TENM2: variants seen among roughly 807,000 people sequenced by gnomAD.
The protein encoded by TENM2 is teneurin-2.
Under a neutral mutation model 245.2 loss-of-function variants are expected in TENM2, and 52 were observed. The observed-to-expected ratio is 0.21, with a 90% CI of 0.17 to 0.27. The LOEUF (loss-of-function observed/expected upper bound fraction) is 0.27. Ranked by LOEUF, TENM2 falls within the 10% of genes least tolerant of loss-of-function variation. The pLI is 1.00. For missense variants in TENM2, 3,046 were observed against 3,666.8 expected (o/e 0.83, Z 4.37); for synonymous variants, 1,363 against 1,438.9 (o/e 0.95, Z 1.19).
At position 167,960,991 on chromosome 5, in the gene TENM2, G is replaced by A. The variant is rs777599083; in HGVS notation, c.947+8169G>A. On this transcript the variant is annotated intron_variant, in intron 4 of 28. Coordinates refer to ENST00000518659, the Ensembl canonical transcript of TENM2. ...CCTTGTGCTTCCTGGGTGAGGCGACGCCCCGCCCTGCTTCAGCTTGCCCTC... is the reference window on the plus strand; with the variant it reads ...CCTTGTGCTTCCTGGGTGAGGCGACACCCCGCCCTGCTTCAGCTTGCCCTC... 3.9e-4 allele frequency among the ~76,000 whole-genome samples: 60 copies of A among 152,240 alleles called. 1 individual carries two copies. The highest frequency in any genetic ancestry group is 9.7e-4 in the East Asian group (5 of 5,162).
At chr5:167,915,795 T>A (rs1776892431) in intron 3 of TENM2, among the ~76,000 whole-genome samples, 1 of 152,228 alleles carries the variant, frequency 6.6e-6, no homozygotes, top group African/African-American at 2.4e-5. Flanking sequence ...GCATTTTATT[T>A]CATGAAAAGA....
chr5:168,112,581 A>G (rs1794747602), intron 9 of TENM2, among the ~76,000 whole-genome samples: 1 of 109,438 alleles, frequency 9.1e-6, no homozygotes, highest in Non-Finnish European at 1.7e-5. Flanking sequence ...TATGGAATTT[A>G]TTTTTGAATA....
chr5:168,167,530 A>G (rs1024725476), intron 13 of TENM2, among the ~76,000 whole-genome samples: 3 of 152,182 alleles, frequency 2.0e-5, no homozygotes, highest in African/African-American at 7.2e-5. Context: ...AGGTGATGTC[A>G]TAACCACATC....
chr5:166,990,550 A>G, the TENM2 span, among the ~76,000 whole-genome samples: 5 of 152,184 alleles, frequency 3.3e-5, no homozygotes, highest in Non-Finnish European at 5.9e-5. Flanking sequence ...GTCTCATTTA[A>G]TGCAGTTCCA....
intron 17 of TENM2, among the ~76,000 whole-genome samples, 183 bp downstream of exon 19, chr5:168,200,314 A>G (rs746290214): frequency 1.3e-5 from 2 of 152,214 alleles, no homozygotes; most frequent in Non-Finnish European, 2.9e-5. Context: ...TTGAGATAAT[A>G]AATACAAGTG....
intron 2 of TENM2, among the ~76,000 whole-genome samples, chr5:167,426,116 C>T (rs1443246651): frequency 6.6e-6 from 1 of 151,976 alleles, no homozygotes; most frequent in Non-Finnish European, 1.5e-5. Context: ...TGACACTGAC[C>T]CCAGACGCCA....
rs530850623 is a variant in TENM2, at chr5:167,620,337, G to A, written c.502+244864G>A. On this transcript the variant is annotated intron_variant, in intron 2 of 28. Transcript: ENST00000518659. The stretch of plus-strand genomic sequence containing the variant: ...GCAAGCCTCAAGCTATCCCTTTTCA[G>A]TAGAAGTCTGCAGTACCTTTCAATT... Among the ~76,000 whole-genome samples the A allele has an allele frequency of 2.6e-5, 4 of 152,230 alleles. No individual in the cohort carries two copies. The East Asian group carries it at 7.7e-4, about 29-fold the overall frequency.
At chr5:168,131,788 T>G (rs1754604808) in intron 12 of TENM2, among the ~76,000 whole-genome samples, 1 of 152,138 alleles carries the variant, frequency 6.6e-6, no homozygotes, top group South Asian at 2.1e-4. Context: ...GACTCTACAG[T>G]GAGATCAAGT....
intron 5 of TENM2, among the ~76,000 whole-genome samples, chr5:168,010,335 C>G (rs534891966): frequency 6.6e-6 from 1 of 152,126 alleles, no homozygotes; most frequent in Non-Finnish European, 1.5e-5. Flanking sequence ...TGTAAGACAT[C>G]CAGGAGAAGT....
At chr5:167,480,938 T>G (rs1767718770) in intron 2 of TENM2, among the ~76,000 whole-genome samples, 1 of 152,230 alleles carries the variant, frequency 6.6e-6, no homozygotes, top group Admixed American at 6.5e-5. Flanking sequence ...GCACAGTTTC[T>G]GAAAACCAGG....
chr5:166,991,691 C>G, the TENM2 span, among the ~76,000 whole-genome samples: 5 of 152,100 alleles, frequency 3.3e-5, no homozygotes, highest in African/African-American at 1.2e-4. Context: ...GTGACAAAGC[C>G]TAGCAGATGC....
chr5:167,864,488 C>T (rs1159456685), intron 2 of TENM2, among the ~76,000 whole-genome samples: 1 of 152,214 alleles, frequency 6.6e-6, no homozygotes, highest in Non-Finnish European at 1.5e-5. Context: ...CGTTTCCACA[C>T]ATTTCACTTA....
At chr5:167,846,993 G>A (rs954930491) in intron 2 of TENM2, among the ~76,000 whole-genome samples, 1 of 152,160 alleles carries the variant, frequency 6.6e-6, no homozygotes, top group African/African-American at 2.4e-5. Context: ...ATCTCATTCT[G>A]TCACACAGGC....
At chr5:167,399,300 A>G (rs984147816) in intron 2 of TENM2, among the ~76,000 whole-genome samples, 2 of 152,168 alleles carry the variant, frequency 1.3e-5, no homozygotes, top group African/African-American at 2.4e-5. Flanking sequence ...AAAGCCAATA[A>G]TAAGCCAGGA....
At chr5:166,981,619 C>A in the TENM2 span, among the ~76,000 whole-genome samples, 18 of 152,044 alleles carry the variant, frequency 1.2e-4, no homozygotes, top group African/African-American at 4.3e-4. Context: ...TTGCTAGGCT[C>A]GTGGGGCAAG....
At chr5:168,125,749 AG>A (rs1795804346) in intron 11 of TENM2, among the ~76,000 whole-genome samples, 1 of 151,848 alleles carries the variant, frequency 6.6e-6, no homozygotes, top group Admixed American at 6.5e-5. Context: ...CATTCCAAAA[AG>A]AAAAAAAAAA....
intron 2 of TENM2, among the ~76,000 whole-genome samples, chr5:167,667,812 T>A (rs1433789505): frequency 6.6e-6 from 1 of 152,146 alleles, no homozygotes; most frequent in Non-Finnish European, 1.5e-5. Context: ...TGTGCCACCT[T>A]CTATTGAATG....
At chr5:167,343,756 C>G (rs1166701278) in intron 1 of TENM2, among the ~76,000 whole-genome samples, 1 of 152,054 alleles carries the variant, frequency 6.6e-6, no homozygotes, top group Non-Finnish European at 1.5e-5. Flanking sequence ...TTAAATTGCT[C>G]TAAGATAATT....
chr5:168,191,493 C>T (rs558013205), intron 14 of TENM2, among the ~76,000 whole-genome samples: 8 of 152,120 alleles, frequency 5.3e-5, no homozygotes, highest in East Asian at 3.9e-4. Context: ...GGGGATGCCC[C>T]GCCCCATCTC....
Sources: gnomAD v4.1 joint callset for allele counts (sites outside exome capture counted in the v4.1 genomes callset) on GRCh38, gnomAD v4.1.1 for gene constraint, MANE v1.5 for transcripts, NCBI Gene and HGNC (gene_info 2026-07-23, HGNC 2026-07-21) for gene names.